The following EBF2 variants were observed in gnomAD, a reference collection of about 807,000 sequenced individuals.
EBF2 encodes the protein transcription factor COE2.
EBF2 carries 21 observed loss-of-function variants against 72.8 expected under a neutral mutation model. The ratio of observed to expected loss-of-function variants is 0.29; its 90% CI spans 0.20 to 0.42. The LOEUF is 0.42. EBF2 is among the 10% of genes least tolerant of loss of function. The pLI, the probability that EBF2 is intolerant of heterozygous loss-of-function variation, is 1.00. For missense variants in EBF2, 637 were observed against 731.2 expected, an observed-to-expected ratio of 0.87 and a Z score of 1.49; for synonymous variants, 299 against 274.2, an observed-to-expected ratio of 1.09 and a Z score of -0.89.
chr8:25,891,091 C>G (rs547678025), intron 7 of EBF2, among the ~76,000 whole-genome samples: 1 of 152,202 alleles, frequency 6.6e-6, no homozygotes, highest in South Asian at 2.1e-4. Flanking sequence ...AGTTATAAGG[C>G]ATGGTCCCTA....
chr8:25,976,641 C>T (rs373496487), intron 6 of EBF2, among the ~76,000 whole-genome samples: 1 of 133,744 alleles, frequency 7.5e-6, no homozygotes, highest in Non-Finnish European at 1.7e-5. Flanking sequence ...TTCTTAAAAA[C>T]AAAACAAAAC....
intron 3 of EBF2, 130 bp downstream of exon 3, chr8:26,040,809 C>A: frequency 6.7e-7 from 1 of 1,488,240 alleles, no homozygotes; most frequent in Non-Finnish European, 9.2e-7. Flanking sequence ...TCCCAATCCC[C>A]TGTCCCAGGC....
intron 10 of EBF2, among the ~76,000 whole-genome samples, chr8:25,863,053 C>A (rs963389937): frequency 7.2e-6 from 1 of 139,528 alleles, no homozygotes; most frequent in Non-Finnish European, 1.6e-5. Flanking sequence ...AACTTCTCTG[C>A]TATCAAATAA....
At position 25,943,232 on chromosome 8, in the gene EBF2, C is replaced by T. The variant is rs532743202; in HGVS notation, c.552-34677G>A. Reference sequence around the variant, plus strand: ...CTGTAATCTCAGGGTTTTGGGAGGCCAAGGTGGAAGGATTGCTTGAGGCCA... The same window carrying T: ...CTGTAATCTCAGGGTTTTGGGAGGCTAAGGTGGAAGGATTGCTTGAGGCCA... On this transcript the variant is annotated intron_variant, in intron 6 of 15. Coordinates refer to ENST00000520164, the MANE Select transcript of EBF2 (RefSeq NM_022659.4). 5.7e-5 allele frequency among the ~76,000 whole-genome samples: 8 copies of T among 140,408 alleles called. 1 individual carries two copies. The South Asian group carries it at 1.8e-3, about 32-fold the overall frequency. 92.1% of individuals were successfully genotyped at this position (140,408 alleles called of 152,430 possible).
chr8:25,854,731 GCTTT>G (rs1452672943), intron 14 of EBF2, among the ~76,000 whole-genome samples: 2 of 151,870 alleles, frequency 1.3e-5, no homozygotes, highest in Non-Finnish European at 2.9e-5. Context: ...GTGGGAGTAC[GCTTT>G]CTTTTAAAAA....
At chr8:25,876,939 C>G (rs1304745981) in intron 10 of EBF2, among the ~76,000 whole-genome samples, 3 of 152,178 alleles carry the variant, frequency 2.0e-5, no homozygotes, top group African/African-American at 7.2e-5. Flanking sequence ...GAACTGCTGT[C>G]ATTTTTGCTT....
chr8:26,022,423 C>T (rs983293274), intron 6 of EBF2, among the ~76,000 whole-genome samples: 2 of 152,200 alleles, frequency 1.3e-5, no homozygotes, highest in Non-Finnish European at 2.9e-5. Context: ...GAGACCCACA[C>T]CTTGGGGCTT....
chr8:26,001,981 G>T (rs942382121), intron 6 of EBF2, among the ~76,000 whole-genome samples: 1 of 152,186 alleles, frequency 6.6e-6, no homozygotes, highest in Non-Finnish European at 1.5e-5. Context: ...GAACTGAAAT[G>T]CATTAAACTC....
At chr8:25,850,079 T>C (rs1384649409) in intron 15 of EBF2, among the ~76,000 whole-genome samples, 3 of 152,212 alleles carry the variant, frequency 2.0e-5, no homozygotes, top group Non-Finnish European at 4.4e-5. Context: ...CAGAGTTTGC[T>C]GATGTCTGTT....
intron 6 of EBF2, among the ~76,000 whole-genome samples, chr8:25,933,125 C>T (rs959083393): frequency 6.6e-6 from 1 of 152,104 alleles, no homozygotes; most frequent in African/African-American, 2.4e-5. Context: ...CTGGAGCGTT[C>T]GCGTGTCCTT....
intron 10 of EBF2, among the ~76,000 whole-genome samples, chr8:25,883,565 T>C (rs940664720): frequency 2.0e-5 from 3 of 152,180 alleles, no homozygotes; most frequent in Non-Finnish European, 4.4e-5. Context: ...CCATATCTAA[T>C]TGGTCTGGGG....
chr8:26,042,346 T>G, intron 1 of EBF2, 95 bp from the exon 2 acceptor site: 2 of 1,432,264 alleles, frequency 1.4e-6, no homozygotes, highest in Non-Finnish European at 1.9e-6. Context: ...GGGTAAGGGG[T>G]CCACTTCCCA....
chr8:25,864,936 T>C (rs1281439396), intron 10 of EBF2, among the ~76,000 whole-genome samples: 1 of 151,964 alleles, frequency 6.6e-6, no homozygotes, highest in Non-Finnish European at 1.5e-5. Flanking sequence ...TAGCTGGGCT[T>C]ACAGGCGCGC....
At chr8:26,021,167 A>T (rs1483928409) in intron 6 of EBF2, among the ~76,000 whole-genome samples, 1 of 152,224 alleles carries the variant, frequency 6.6e-6, no homozygotes, top group African/African-American at 2.4e-5. Flanking sequence ...GGGTCTAGAC[A>T]GACCATGAGA....
intron 7 of EBF2, among the ~76,000 whole-genome samples, chr8:25,897,222 T>TAAA (rs74646175): frequency 1.4e-4 from 21 of 151,436 alleles, no homozygotes; most frequent in African/African-American, 4.6e-4. Context: ...TCTTTTTTTT[T>TAAA]AAAAAAAAAT....
intron 6 of EBF2, among the ~76,000 whole-genome samples, chr8:25,998,827 C>T (rs1368118317): frequency 1.3e-5 from 2 of 152,154 alleles, no homozygotes; most frequent in Admixed American, 6.5e-5. Context: ...TGGCATTACA[C>T]AAAAGATTGA....
intron 14 of EBF2, among the ~76,000 whole-genome samples, chr8:25,853,474 G>T (rs1802023857): frequency 6.7e-6 from 1 of 148,746 alleles, no homozygotes; most frequent in Non-Finnish European, 1.5e-5. Context: ...ACGGTAAAAA[G>T]ATCTTATTTT....
At chr8:25,947,881 C>T (rs1033651361) in intron 6 of EBF2, among the ~76,000 whole-genome samples, 4 of 152,212 alleles carry the variant, frequency 2.6e-5, no homozygotes, top group Admixed American at 6.5e-5. Flanking sequence ...TCGGGGCAGA[C>T]CTTGATAAAC....
At chr8:25,890,126 A>C (rs1802754202) in intron 7 of EBF2, among the ~76,000 whole-genome samples, 1 of 152,184 alleles carries the variant, frequency 6.6e-6, no homozygotes, top group Admixed American at 6.5e-5. Flanking sequence ...GAAAATGACC[A>C]TCTGCCTGCT....
Sources: gnomAD v4.1 joint callset for allele counts (sites outside exome capture counted in the v4.1 genomes callset) on GRCh38, gnomAD v4.1.1 for gene constraint, MANE v1.5 for transcripts, NCBI Gene and HGNC (gene_info 2026-07-23, HGNC 2026-07-21) for gene names.